Variants in FER observed in about 807,000 individuals in gnomAD.
FER encodes the protein tyrosine-protein kinase Fer.
In FER, 63 loss-of-function variants were observed where a neutral mutation model predicts 111.0. The ratio of observed to expected loss-of-function variants is 0.57; its 90% CI spans 0.46 to 0.70. The LOEUF (loss-of-function observed/expected upper bound fraction) is 0.70, where lower values mean the gene tolerates loss of function less well. FER is among the 30% of genes least tolerant of loss of function. FER has a pLI of 0.00. For synonymous variants in FER, 327 were observed against 313.9 expected, an observed-to-expected ratio of 1.04 and a Z score of -0.44; for missense variants, 914 against 954.0, an observed-to-expected ratio of 0.96 and a Z score of 0.55.
At chr5:109,093,097 G>T (rs975399722) in intron 16 of FER, among the ~76,000 whole-genome samples, 1 of 152,144 alleles carries the variant, frequency 6.6e-6, no homozygotes, top group Non-Finnish European at 1.5e-5. Context: ...ACCAGGGATT[G>T]CAAGGAAGGG....
intron 13 of FER, among the ~76,000 whole-genome samples, chr5:108,992,657 G>A (rs1763378433): frequency 2.0e-5 from 3 of 146,960 alleles, no homozygotes; most frequent in Non-Finnish European, 3.1e-5. Flanking sequence ...CCTCCCGGAC[G>A]GGGCGGCTGG....
At chr5:108,913,854 A>G (rs568535594) in intron 10 of FER, among the ~76,000 whole-genome samples, 2 of 152,332 alleles carry the variant, frequency 1.3e-5, no homozygotes, top group Admixed American at 6.5e-5. Flanking sequence ...ATGCAGCAGT[A>G]TGGCTGAATC....
intron 12 of FER, among the ~76,000 whole-genome samples, chr5:108,957,532 A>T (rs1758584544): frequency 6.6e-6 from 1 of 151,686 alleles, no homozygotes. Flanking sequence ...TTCATTATGG[A>T]AATCAGTATG....
chr5:108,767,691 A>T (rs1433992098), intron 1 of FER, among the ~76,000 whole-genome samples: 1 of 152,230 alleles, frequency 6.6e-6, no homozygotes, highest in African/African-American at 2.4e-5. Context: ...TGTGTTGCCC[A>T]GGCTGGCCTC....
At chr5:109,003,587 G>T (rs946193393) in intron 13 of FER, among the ~76,000 whole-genome samples, 1 of 151,606 alleles carries the variant, frequency 6.6e-6, no homozygotes, top group Non-Finnish European at 1.5e-5. Context: ...TGCACGTAGT[G>T]CACATGTATC....
intron 10 of FER, among the ~76,000 whole-genome samples, chr5:108,908,408 G>C (rs543046152): frequency 7.8e-4 from 119 of 152,154 alleles, no homozygotes; most frequent in African/African-American, 2.8e-3. Flanking sequence ...CTATACAATA[G>C]TTTTTGGGTG....
intron 3 of FER, among the ~76,000 whole-genome samples, chr5:108,824,124 T>G (rs1374153243): frequency 1.3e-5 from 2 of 152,156 alleles, no homozygotes; most frequent in Non-Finnish European, 2.9e-5. Flanking sequence ...CCCTCTATTC[T>G]TCCATTGGCC....
chr5:108,868,401 T>C (rs951218670), intron 6 of FER, among the ~76,000 whole-genome samples: 2 of 152,096 alleles, frequency 1.3e-5, no homozygotes, highest in Non-Finnish European at 2.9e-5. Context: ...AAGCACATTA[T>C]CTGATGCTTA....
intron 10 of FER, among the ~76,000 whole-genome samples, chr5:108,909,174 G>A (rs963338319): frequency 6.6e-6 from 1 of 152,160 alleles, no homozygotes; most frequent in African/African-American, 2.4e-5. Flanking sequence ...ATTATTTTAT[G>A]ACATTAATTT....
At chr5:108,965,863 G>C (rs1254657185) in intron 13 of FER, among the ~76,000 whole-genome samples, 10 of 152,088 alleles carry the variant, frequency 6.6e-5, no homozygotes, top group Admixed American at 3.9e-4. Flanking sequence ...GAAATACAGG[G>C]TGATATTTGA....
chr5:109,120,738 G>C (rs1311580172), intron 17 of FER, among the ~76,000 whole-genome samples: 1 of 151,958 alleles, frequency 6.6e-6, no homozygotes, highest in Non-Finnish European at 1.5e-5. Flanking sequence ...CATGAACATG[G>C]AATATTTTTT....
chr5:108,778,568 TC>T (rs1245827242), intron 2 of FER, among the ~76,000 whole-genome samples: 4 of 152,230 alleles, frequency 2.6e-5, no homozygotes, highest in Admixed American at 6.5e-5. Flanking sequence ...AATGTGCATT[TC>T]CTAGAAATCA....
intron 9 of FER, among the ~76,000 whole-genome samples, chr5:108,890,108 A>G (rs974979597): frequency 6.6e-6 from 1 of 152,060 alleles, no homozygotes; most frequent in African/African-American, 2.4e-5. Flanking sequence ...CCTTCAGTCC[A>G]TCTACCTCCT....
chr5:108,766,436 A>G (rs1222708014), intron 1 of FER, among the ~76,000 whole-genome samples: 1 of 152,246 alleles, frequency 6.6e-6, no homozygotes, highest in Non-Finnish European at 1.5e-5. Context: ...GTGTTAAGAT[A>G]GAAATTCTTG....
chr5:109,062,689 A>G (rs1366081), intron 16 of FER, among the ~76,000 whole-genome samples: 25,029 of 152,042 alleles, frequency 0.16, 2,139 homozygotes, highest in South Asian at 0.21. Flanking sequence ...GTACAATAAC[A>G]CCTGTGCTGA....
At chr5:108,876,486 A>G (rs191007175) in intron 8 of FER, among the ~76,000 whole-genome samples, 42 of 152,308 alleles carry the variant, frequency 2.8e-4, no homozygotes, top group Non-Finnish European at 4.9e-4. Flanking sequence ...ACATATCAGT[A>G]TACTGTGGCA....
intron 3 of FER, among the ~76,000 whole-genome samples, chr5:108,832,348 T>A (rs953391336): frequency 6.6e-6 from 1 of 152,202 alleles, no homozygotes; most frequent in African/African-American, 2.4e-5. Context: ...CAGGATCAGA[T>A]GCCACAGAGA....
In FER at chr5:109,193,560, C is replaced by T. The variant is rs539747264; in HGVS notation, c.*5985C>T. The T allele has an allele frequency of 6.6e-6, 1 of 152,190 alleles. No homozygotes were observed. The highest frequency in any genetic ancestry group is 1.9e-4 in the East Asian group (1 of 5,186). 9.4% of individuals were successfully genotyped at this position (152,190 alleles called of 1,614,324 possible). ...CAAAATAATGAACTGTTCTAAGTGA[C>T]AGTGTTGATGCTGGAAGTGGAATGT... On this transcript the variant is annotated 3_prime_UTR_variant, in exon 20 of 20. Transcript: ENST00000281092.
In FER at chr5:109,193,860, C is replaced by T. The variant is rs1188505200; in HGVS notation, c.*6285C>T. ...CTTCTAAGGAACTCCCAGGCACCTA[C>T]TTAACAAGGCCAGCTACACACTCAG... On this transcript the variant is annotated 3_prime_UTR_variant, in exon 20 of 20. Coordinates refer to ENST00000281092, the MANE Select transcript of FER (RefSeq NM_005246.4). The T allele has an allele frequency of 6.6e-6, 1 of 152,184 alleles. No homozygotes were observed. The highest frequency in any genetic ancestry group is 6.5e-5 in the Admixed American group (1 of 15,276). The allele number at this position is 152,184 out of a possible 1,614,324, so 9.4% of individuals were successfully genotyped here. A position where few individuals can be genotyped will look rare whatever the true frequency, so the allele number is the denominator to read the frequency against.
Sources: allele counts gnomAD v4.1 joint callset (sites outside exome capture counted in the v4.1 genomes callset), GRCh38; gene constraint gnomAD v4.1.1; transcripts MANE v1.5; gene names NCBI Gene and HGNC (gene_info 2026-07-23, HGNC 2026-07-21).